KLHDC8A: variants seen among roughly 807,000 people sequenced by gnomAD.
The protein encoded by KLHDC8A is kelch domain-containing protein 8A.
A neutral mutation model predicts 33.1 loss-of-function variants in KLHDC8A; 21 were observed. The observed-to-expected ratio is 0.64, with a 90% confidence interval of 0.45 to 0.91. KLHDC8A has a LOEUF of 0.91. Ranked by LOEUF, KLHDC8A falls within the 40% of genes least tolerant of loss-of-function variation. The probability of loss-of-function intolerance (pLI) is 0.00; values close to 1 mark genes in which losing one functional copy is unlikely to be tolerated. For missense variants in KLHDC8A, 435 were observed against 483.3 expected, an observed-to-expected ratio of 0.90 and a Z score of 0.94; for synonymous variants, 173 against 193.5, an observed-to-expected ratio of 0.89 and a Z score of 0.88.
intron 1 of KLHDC8A, chr1:205,348,500 A>T (rs1204460322): frequency 6.6e-6 from 1 of 152,222 alleles, no homozygotes; most frequent in Non-Finnish European, 1.5e-5. Flanking sequence ...GGTCAGCATC[A>T]GACAGGCTGC....
At position 205,341,400 on chromosome 1, in the gene KLHDC8A, G is replaced by A. The variant is rs538634235; in HGVS notation, c.377-1592C>T. Among the ~76,000 whole-genome samples the A allele has an allele frequency of 6.7e-4, 102 of 151,912 alleles. No homozygotes were observed. The Middle Eastern group carries it at 0.014, about 20-fold the overall frequency. On this transcript the variant is annotated intron_variant, in intron 2 of 5. Coordinates refer to ENST00000367155, the MANE Select transcript of KLHDC8A (RefSeq NM_018203.3). ...CAACCCTAGCCTGAGGCTGGAAGAC[G>A]GTGCCTGCTAATGAGGAATTCACCT...
Position 205,337,365 on chromosome 1 carries a change from TG to T in KLHDC8A, c.*33del. On this transcript the variant is annotated 3_prime_UTR_variant, in exon 6 of 6. Transcript: ENST00000367155. ...TCCTCATGTTAAGAGTGAAGTGATA[TG>T]GTCCAGGGCAAAGGTACTGAGCCCA... The T allele has an allele frequency of 6.5e-7, 1 of 1,534,866 alleles. No individual in the cohort carries two copies. Among genetic ancestry groups the T allele is most frequent in the Non-Finnish European group, 9.0e-7 (1 of 1,109,878 alleles).
At chr1:205,350,826 T>C (rs1405486731) in intron 1 of KLHDC8A, among the ~76,000 whole-genome samples, 1 of 151,658 alleles carries the variant, frequency 6.6e-6, no homozygotes, top group Non-Finnish European at 1.5e-5. Flanking sequence ...TGTGTGTGCA[T>C]GCATGTGTGT....
Position 205,339,105 on chromosome 1 carries a change from G to A in KLHDC8A, c.757+89C>T. On this transcript the variant is annotated intron_variant, in intron 4 of 5. Transcript: ENST00000367155. This position sits in a 1 kb window ranked among gnomAD's most constrained non-coding sequence, Gnocchi z 5.1. Reference sequence around the variant, plus strand: ...TTGCCCAGCTGGGTAAACGGCCCTGGAAGATGGCTGGAATAGGGGTAAGGG... The same window carrying A: ...TTGCCCAGCTGGGTAAACGGCCCTGAAAGATGGCTGGAATAGGGGTAAGGG... 1 of 1,120,768 alleles carries A rather than the reference G, an allele frequency of 8.9e-7. No homozygotes were observed. The highest frequency in any genetic ancestry group is 2.0e-5 in the Admixed American group (1 of 49,932). 69.4% of individuals were successfully genotyped at this position (1,120,768 alleles called of 1,614,324 possible).
rs199798262 is a variant in KLHDC8A, at chr1:205,349,259, AG to A, written c.-189-5467del. ...TCCCGCAGAATGGCCTCAGTTATTC[AG>A]GTTCCCTTCCTGACCACGCAGCCTT... On this transcript the variant is annotated intron_variant, in intron 1 of 5. Coordinates refer to ENST00000367155, the MANE Select transcript of KLHDC8A (RefSeq NM_018203.3). 2.5e-4 allele frequency among the ~76,000 whole-genome samples: 38 copies of A among 152,308 alleles called. No homozygotes were observed. The East Asian group carries it at 7.0e-3, about 28-fold the overall frequency.
rs201880508 is a variant in KLHDC8A at position 205,339,374 on chromosome 1, C to T, written c.577G>A (p.Glu193Lys). ...GAGCGAGTCTCGATGTCAAAGACCT[C>T]GAAAGCGTTGACCGCGTACTTGGAC... The part of the protein sequence containing the change: ...RQSKYAVNAF[E>K]VFDIETRSWT... The change falls in exon 4 of 6, where the codon GAG becomes AAG. Residue 193 changes from glutamate to lysine, a missense_variant. By Grantham distance (56) the Glu-to-Lys change is moderately conservative. Coordinates refer to ENST00000367155, the MANE Select transcript of KLHDC8A (RefSeq NM_018203.3). This position sits in a 1 kb window ranked among gnomAD's most constrained non-coding sequence, Gnocchi z 5.1. 1.5e-5 allele frequency: 25 copies of T among 1,613,978 alleles called. No individual in the cohort carries two copies. The highest frequency in any genetic ancestry group is 6.7e-5 in the East Asian group (3 of 44,884).
chr1:205,343,682 C>G lies in KLHDC8A; in HGVS notation c.-78G>C. The G allele has an allele frequency of 7.0e-7, 1 of 1,419,618 alleles. No individual in the cohort carries two copies. The highest frequency in any genetic ancestry group is 9.4e-7 in the Non-Finnish European group (1 of 1,069,172). 87.9% of individuals were successfully genotyped at this position (1,419,618 alleles called of 1,614,324 possible). On this transcript the variant is annotated 5_prime_UTR_variant, in exon 2 of 6. Coordinates refer to ENST00000367155, the MANE Select transcript of KLHDC8A (RefSeq NM_018203.3). ...ACCGGCTACTTGGCGCCGGCTCCCA[C>G]GGCCCCTATCGCCACCTCCATCTGG... is the stretch of plus-strand genomic sequence containing the variant.
intron 1 of KLHDC8A, chr1:205,351,108 G>A: frequency 1.6e-6 from 1 of 624,024 alleles, no homozygotes; most frequent in Admixed American, 2.4e-5. Flanking sequence ...AGGAGAGAAG[G>A]GTCCACTCCC....
intron 1 of KLHDC8A, among the ~76,000 whole-genome samples, chr1:205,350,856 T>C (rs1574914825): frequency 1.7e-5 from 2 of 115,312 alleles, no homozygotes; most frequent in East Asian, 5.8e-4. Flanking sequence ...CATGTGTGTG[T>C]GCATGTGTGT....
At chr1:205,353,477 C>A (rs946474225) in intron 1 of KLHDC8A, among the ~76,000 whole-genome samples, 1 of 152,188 alleles carries the variant, frequency 6.6e-6, no homozygotes, top group Non-Finnish European at 1.5e-5. Context: ...TGTGCCCTCC[C>A]CTGCACCTTA....
intron 1 of KLHDC8A, among the ~76,000 whole-genome samples, chr1:205,352,402 C>T (rs1466779680): frequency 6.6e-6 from 1 of 152,176 alleles, no homozygotes; most frequent in Non-Finnish European, 1.5e-5. Context: ...CATACACACA[C>T]CCCTTGTTCC....
At chr1:205,351,184 T>C (rs1663093915) in intron 1 of KLHDC8A, 1 of 746,710 alleles carries the variant, frequency 1.3e-6, no homozygotes, top group Non-Finnish European at 2.5e-6. Context: ...TGGGCTTTTA[T>C]TTGATCATCA....
chr1:205,353,576 C>T (rs895079283), intron 1 of KLHDC8A, among the ~76,000 whole-genome samples: 10 of 152,276 alleles, frequency 6.6e-5, no homozygotes, highest in Middle Eastern at 6.8e-3. Context: ...CACTCTGTCA[C>T]CCAGGCTGGA....
intron 2 of KLHDC8A, among the ~76,000 whole-genome samples, chr1:205,342,327 A>AT (rs1276958161): frequency 6.6e-6 from 1 of 152,184 alleles, no homozygotes; most frequent in African/African-American, 2.4e-5. Context: ...CAGGCCTTCC[A>AT]TCCTTCTTAC....
intron 1 of KLHDC8A, chr1:205,351,452 T>C (rs1663102682): frequency 2.5e-6 from 2 of 788,152 alleles, no homozygotes; most frequent in Non-Finnish European, 4.7e-6. Flanking sequence ...AGTATCATCA[T>C]GTTAGAAGCC....
chr1:205,351,200 C>T, intron 1 of KLHDC8A: 1 of 768,762 alleles, frequency 1.3e-6, no homozygotes, highest in Non-Finnish European at 2.4e-6. Context: ...CATCACTGCT[C>T]ACTTTAAGAG....
chr1:205,337,519 G>T lies in KLHDC8A; in HGVS notation c.933C>A (p.Ala311=), dbSNP rs1220530083. 1 of 1,613,922 alleles carries T rather than the reference G, an allele frequency of 6.2e-7. No homozygotes were observed. The highest frequency in any genetic ancestry group is 8.5e-7 in the Non-Finnish European group (1 of 1,179,864). The change falls in exon 6 of 6, where the codon GCC becomes GCA. Residue 311 remains alanine, a synonymous_variant. Coordinates refer to ENST00000367155, the MANE Select transcript of KLHDC8A (RefSeq NM_018203.3). The part of the protein sequence containing the change: ...PGKNKWEILP[A]MPTPRCACSS... ...AGCAGGCACAGCGGGGTGTGGGCAT[G>T]GCAGGGAGGATCTCCCATTTGTTCT...
chr1:205,339,319 T>G lies in KLHDC8A; in HGVS notation c.632A>C (p.Lys211Thr). The G allele has an allele frequency of 6.2e-7, 1 of 1,614,156 alleles. No homozygotes were observed. The highest frequency in any genetic ancestry group is 1.7e-5 in the Admixed American group (1 of 60,016). The change falls in exon 4 of 6, where the codon AAG (lysine) becomes ACG (threonine). Residue 211 changes from lysine (K) to threonine (T), a missense_variant. Transcript: ENST00000367155. This position sits in a 1 kb window ranked among gnomAD's most constrained non-coding sequence, Gnocchi z 5.1. Reference sequence around the variant, plus strand: ...GGTCACAAAGCTGGAGAAGGCCCGCTTATAGGGAATGTTGGGAAACTTGGT... The same window carrying G: ...GGTCACAAAGCTGGAGAAGGCCCGCGTATAGGGAATGTTGGGAAACTTGGT... ...SWTKFPNIPY[K>T]RAFSSFVTLD...
intron 5 of KLHDC8A, among the ~76,000 whole-genome samples, chr1:205,338,095 C>T (rs1409599159): frequency 6.6e-6 from 1 of 152,198 alleles, no homozygotes; most frequent in Non-Finnish European, 1.5e-5. Context: ...ATCTGTTGAA[C>T]TTATTTAATC....
Sources: gnomAD v4.1 joint callset for allele counts (sites outside exome capture counted in the v4.1 genomes callset) on GRCh38, gnomAD v4.1.1 for gene constraint, Gnocchi (gnomAD v3.1) non-coding constraint, MANE v1.5 for transcripts, NCBI Gene and HGNC (gene_info 2026-07-23, HGNC 2026-07-21) for gene names.